FCAR: variants seen among roughly 807,000 people sequenced by gnomAD.
FCAR encodes Fc alpha receptor.
FCAR carries 21 observed loss-of-function variants against 27.1 expected under a neutral mutation model. The ratio of observed to expected loss-of-function variants is 0.77; its 90% CI spans 0.55 to 1.11. The LOEUF is 1.11. Among genes scored for constraint, FCAR ranks in the 50% most tolerant of loss-of-function variants. FCAR has a pLI of 0.00. For missense variants in FCAR, 404 were observed against 358.4 expected, an observed-to-expected ratio of 1.13 and a Z score of -1.03; for synonymous variants, 134 against 135.8, an observed-to-expected ratio of 0.99 and a Z score of 0.09.
intron 1 of FCAR, 67 bp downstream of exon 1, chr19:54,874,390 C>T: frequency 1.3e-6 from 2 of 1,499,240 alleles, no homozygotes; most frequent in Non-Finnish European, 1.9e-6. Flanking sequence ...CAGGGTGTCT[C>T]TTAACAGTGT....
chr19:54,877,876 T>C (rs919459070), intron 2 of FCAR, among the ~76,000 whole-genome samples: 1 of 151,944 alleles, frequency 6.6e-6, no homozygotes, highest in African/African-American at 2.4e-5. Flanking sequence ...CTATTTTTAT[T>C]CCACTGTGCT....
chr19:54,876,853 G>A (rs767125824), intron 2 of FCAR, among the ~76,000 whole-genome samples: 1 of 152,166 alleles, frequency 6.6e-6, no homozygotes, highest in Non-Finnish European at 1.5e-5. Flanking sequence ...TCCAGGAGGC[G>A]GAGCTTGCAG....
chr19:54,888,112 T>A lies in FCAR; in HGVS notation c.467T>A (p.Phe156Tyr). The stretch of plus-strand genomic sequence containing the variant: ...TCAGCACACATCCCATTTGATAGAT[T>A]TTCACTGGCCAAGGAGGGAGAACTT... ...CSSAHIPFDR[F>Y]SLAKEGELSL... Residue 156 changes from phenylalanine (F) to tyrosine (Y), a missense_variant, in exon 4 of 5, where the codon TTT becomes TAT. Phe to Tyr is a conservative substitution (Grantham distance 22). Transcript: ENST00000355524. The A allele has an allele frequency of 6.2e-7, 1 of 1,614,050 alleles. No homozygotes were observed. The highest frequency in any genetic ancestry group is 8.5e-7 in the Non-Finnish European group (1 of 1,179,972).
intron 2 of FCAR, among the ~76,000 whole-genome samples, chr19:54,884,875 C>T (rs964232744): frequency 6.6e-6 from 1 of 151,108 alleles, no homozygotes; most frequent in East Asian, 2.0e-4. Context: ...GGTGTGATCT[C>T]GGCTCACTGC....
Position 54,885,467 on chromosome 19 carries a change from A to G in FCAR, c.303A>G (p.Gln101=), listed in dbSNP as rs752809037. Residue 101 remains glutamine (Q), a synonymous_variant, in exon 3 of 5, where the codon CAA becomes CAG. Coordinates refer to ENST00000355524, the MANE Select transcript of FCAR (RefSeq NM_002000.4). ...ACAAGGCAGGGCGCTATCAGTGCCAATATAGGATAGGGCACTACAGGTTCC... is the reference window on the plus strand; with the variant it reads ...ACAAGGCAGGGCGCTATCAGTGCCAGTATAGGATAGGGCACTACAGGTTCC... The part of the protein sequence containing the change: ...DANKAGRYQC[Q]YRIGHYRFRY... The G allele has an allele frequency of 3.3e-5, 53 of 1,612,782 alleles. No individual in the cohort carries two copies. The South Asian group carries it at 4.9e-4, about 15-fold the overall frequency.
intron 2 of FCAR, among the ~76,000 whole-genome samples, chr19:54,879,963 G>A (rs2066321343): frequency 6.6e-6 from 1 of 152,190 alleles, no homozygotes; most frequent in Non-Finnish European, 1.5e-5. Context: ...GGGATTACAG[G>A]CGTGAGCCAC....
In FCAR at chr19:54,889,632, T is replaced by C. The variant is rs375013575; in HGVS notation, c.650-17T>C. 3.7e-5 allele frequency: 60 copies of C among 1,601,988 alleles called. No homozygotes were observed. The African/African-American group carries it at 7.5e-4, about 20-fold the overall frequency. On this transcript the variant is annotated splice_polypyrimidine_tract_variant and intron_variant, in intron 4 of 4. Transcript: ENST00000355524. ...ACACAACCACCAACCATTCATCTCC[T>C]TGAATTGTGTCTCCAGACTCCATCC...
Position 54,888,281 on chromosome 19 carries a change from G to A in FCAR, c.636G>A (p.Glu212=). The change falls in exon 4 of 5, where the codon GAG becomes GAA. Residue 212 remains glutamate, a synonymous_variant. Coordinates refer to ENST00000355524, the MANE Select transcript of FCAR (RefSeq NM_002000.4). ...GGTCCTTCCCCAGTAATGCCTTGGAGCTTGTGGTCACAGGTAGGTACCGCC... is the reference window on the plus strand; with the variant it reads ...GGTCCTTCCCCAGTAATGCCTTGGAACTTGTGGTCACAGGTAGGTACCGCC... ...YLWSFPSNAL[E]LVVTDSIHQD... 1 of 1,614,034 alleles carries A rather than the reference G, an allele frequency of 6.2e-7. No homozygotes were observed. Among genetic ancestry groups the A allele is most frequent in the Non-Finnish European group, 8.5e-7 (1 of 1,179,964 alleles).
chr19:54,875,378 T>C lies in FCAR; in HGVS notation c.70+13T>C, dbSNP rs1158356276. The C allele has an allele frequency of 1.4e-5, 22 of 1,611,678 alleles. No individual in the cohort carries two copies. Among genetic ancestry groups the C allele is most frequent in the Non-Finnish European group, 1.4e-5 (17 of 1,178,200 alleles). On this transcript the variant is annotated intron_variant, in intron 2 of 4. Transcript: ENST00000355524. ...CAGGCACAGGAAGGTAAGTGTCCTG[T>C]AAATCTCTCCCAGCCCCTTTAGACC...
Position 54,885,352 on chromosome 19 carries a change from T to C in FCAR, c.188T>C (p.Ile63Thr), listed in dbSNP as rs144393831. 32 of 1,614,002 alleles carry C rather than the reference T, an allele frequency of 2.0e-5. No individual in the cohort carries two copies. In the African/African-American group the frequency reaches 4.3e-4, roughly 22 times the overall value. Residue 63 changes from isoleucine to threonine, a missense_variant, in exon 3 of 5, where the codon ATA becomes ACA. Physicochemically the swap from Ile to Thr is moderately conservative, Grantham distance 89. Coordinates refer to ENST00000355524, the MANE Select transcript of FCAR (RefSeq NM_002000.4). The stretch of plus-strand genomic sequence containing the variant: ...GCTTACCTGACCCAGCTGATGATCA[T>C]AAAAAACTCCACGTACCGAGAGATA... ...REAYLTQLMI[I>T]KNSTYREIGR...
intron 2 of FCAR, among the ~76,000 whole-genome samples, chr19:54,880,588 G>A (rs933593936): frequency 2.6e-5 from 4 of 152,220 alleles, no homozygotes; most frequent in Non-Finnish European, 5.9e-5. Context: ...TGGGAAGCTT[G>A]TGTGGTAATT....
chr19:54,889,695 C>T lies in FCAR; in HGVS notation c.696C>T (p.Ala232=), dbSNP rs769864643. ...DYTTQNLIRM[A]VAGLVLVALL... ...CGACGCAGAACTTGATCCGCATGGCCGTGGCAGGACTGGTCCTCGTGGCTC... is the reference window on the plus strand; with the variant it reads ...CGACGCAGAACTTGATCCGCATGGCTGTGGCAGGACTGGTCCTCGTGGCTC... The change falls in exon 5 of 5, where the codon GCC becomes GCT. Residue 232 remains alanine, a synonymous_variant. Transcript: ENST00000355524. The T allele has an allele frequency of 7.4e-6, 12 of 1,614,000 alleles. No individual in the cohort carries two copies. Among genetic ancestry groups the T allele is most frequent in the Admixed American group, 1.7e-5 (1 of 59,996 alleles).
intron 2 of FCAR, among the ~76,000 whole-genome samples, chr19:54,879,368 C>G (rs1487219383): frequency 2.0e-5 from 3 of 152,114 alleles, no homozygotes; most frequent in African/African-American, 7.2e-5. Flanking sequence ...AGTGTGTTTT[C>G]TATTGGCTGG....
rs1176467706 is a variant in FCAR, at chr19:54,890,259, C to T, written c.*396C>T. On this transcript the variant is annotated 3_prime_UTR_variant, in exon 5 of 5. Coordinates refer to ENST00000355524, the MANE Select transcript of FCAR (RefSeq NM_002000.4). Reference sequence around the variant, plus strand: ...ATGAGCCACCACGCCTGGCCAGATGCATGTTCAAACCAATCAAATGGTGTT... The same window carrying T: ...ATGAGCCACCACGCCTGGCCAGATGTATGTTCAAACCAATCAAATGGTGTT... The T allele has an allele frequency of 8.5e-6, 2 of 234,324 alleles. No individual in the cohort carries two copies. Among genetic ancestry groups the T allele is most frequent in the Non-Finnish European group, 1.7e-5 (2 of 118,082 alleles). 14.5% of individuals were successfully genotyped at this position (234,324 alleles called of 1,614,324 possible).
chr19:54,875,944 C>T (rs114456636), intron 2 of FCAR, among the ~76,000 whole-genome samples: 6,299 of 152,260 alleles, frequency 0.041, 158 homozygotes, highest in Middle Eastern at 0.088. Flanking sequence ...TTGAACAATA[C>T]TCATTCTTCC....
intron 2 of FCAR, among the ~76,000 whole-genome samples, chr19:54,877,822 T>C (rs1245981921): frequency 1.3e-5 from 2 of 152,204 alleles, no homozygotes; most frequent in Non-Finnish European, 2.9e-5. Flanking sequence ...CTGCTTAATT[T>C]CCATGCATTG....
intron 2 of FCAR, among the ~76,000 whole-genome samples, chr19:54,884,950 G>A (rs897913824): frequency 2.0e-5 from 3 of 151,842 alleles, no homozygotes; most frequent in Non-Finnish European, 4.4e-5. Context: ...GGGACTACAC[G>A]CGCCCGCCAC....
In FCAR at chr19:54,888,582, C is replaced by G. The variant is rs1404576561; in HGVS notation, c.649+288C>G. The G allele has an allele frequency of 3.5e-6, 4 of 1,136,226 alleles. No individual in the cohort carries two copies. In the South Asian group the frequency reaches 6.5e-5, roughly 19 times the overall value. 70.4% of individuals were successfully genotyped at this position (1,136,226 alleles called of 1,614,324 possible). ...TTATTTTCCGGGATAGAGTCTTGCT[C>G]TTTCGCCAAGGCTGGAGTGCAGTGG... On this transcript the variant is annotated intron_variant, in intron 4 of 4. Coordinates refer to ENST00000355524, the MANE Select transcript of FCAR (RefSeq NM_002000.4).
At chr19:54,880,561 A>G (rs1419114533) in intron 2 of FCAR, among the ~76,000 whole-genome samples, 3 of 152,190 alleles carry the variant, frequency 2.0e-5, no homozygotes, top group Non-Finnish European at 2.9e-5. Flanking sequence ...CATTTCAGCC[A>G]GGTAAAGAGC....
Sources: gnomAD v4.1 joint callset for allele counts (sites outside exome capture counted in the v4.1 genomes callset) on GRCh38, gnomAD v4.1.1 for gene constraint, MANE v1.5 for transcripts, NCBI Gene and HGNC (gene_info 2026-07-23, HGNC 2026-07-21) for gene names.